Variants in NREP observed in about 807,000 individuals in gnomAD.
NREP encodes neuronal regeneration-related protein.
NREP carries 5 observed loss-of-function variants against 8.6 expected under a neutral mutation model. The ratio of observed to expected loss-of-function variants is 0.58; its 90% CI spans 0.30 to 1.22. The LOEUF (loss-of-function observed/expected upper bound fraction) is 1.22. NREP is among the 50% of genes most tolerant of loss of function. The probability of loss-of-function intolerance (pLI) is 0.07; values close to 1 mark genes in which losing one functional copy is unlikely to be tolerated. For missense variants in NREP, 86 were observed against 82.5 expected (o/e 1.04, Z -0.17); for synonymous variants, 27 against 28.0 (o/e 0.96, Z 0.11).
At chr5:111,749,024 T>C (rs1013371228) in intron 2 of NREP, among the ~76,000 whole-genome samples, 8 of 152,120 alleles carry the variant, frequency 5.3e-5, no homozygotes, top group African/African-American at 1.9e-4. Context: ...TGTCAGGAGG[T>C]GTATTCCTTC....
At chr5:111,794,867 T>A (rs1195336190) in intron 2 of NREP, among the ~76,000 whole-genome samples, 1 of 152,114 alleles carries the variant, frequency 6.6e-6, no homozygotes, top group Non-Finnish European at 1.5e-5. Flanking sequence ...GTTCATCAAT[T>A]GTAACAAATG....
At chr5:111,822,426 C>T (rs1277362825) in intron 2 of NREP, among the ~76,000 whole-genome samples, 7 of 152,104 alleles carry the variant, frequency 4.6e-5, no homozygotes, top group African/African-American at 1.4e-4. Flanking sequence ...GAGTTTAGAG[C>T]TTTCAAAAGA....
intron 2 of NREP, among the ~76,000 whole-genome samples, chr5:111,908,443 C>T (rs1041547360): frequency 6.6e-6 from 1 of 152,002 alleles, no homozygotes; most frequent in African/African-American, 2.4e-5. Flanking sequence ...CCTCCCCACT[C>T]TAGGAGTCAC....
At chr5:111,923,460 T>C (rs983717098) in intron 2 of NREP, among the ~76,000 whole-genome samples, 1 of 152,144 alleles carries the variant, frequency 6.6e-6, no homozygotes, top group Non-Finnish European at 1.5e-5. Context: ...TGGATTGAAG[T>C]GAGAGCAAGT....
intron 2 of NREP, among the ~76,000 whole-genome samples, chr5:111,903,315 C>A (rs551836305): frequency 5.9e-5 from 9 of 152,080 alleles, no homozygotes; most frequent in African/African-American, 2.2e-4. Context: ...GAGCTACTGG[C>A]CTCAAGTGAT....
intron 2 of NREP, among the ~76,000 whole-genome samples, chr5:111,777,064 G>A (rs1419070498): frequency 6.6e-6 from 1 of 151,458 alleles, no homozygotes; most frequent in South Asian, 2.1e-4. Flanking sequence ...AAGAAGAGGA[G>A]AGCAGCTATA....
intron 2 of NREP, among the ~76,000 whole-genome samples, chr5:111,829,191 T>C (rs1268292864): frequency 6.6e-6 from 1 of 152,188 alleles, no homozygotes; most frequent in African/African-American, 2.4e-5. Flanking sequence ...GCAAACCGTG[T>C]TCAACTTGTG....
At chr5:111,927,183 C>T (rs909660247) in intron 2 of NREP, among the ~76,000 whole-genome samples, 3 of 152,022 alleles carry the variant, frequency 2.0e-5, no homozygotes, top group African/African-American at 7.2e-5. Context: ...GTGGGGGAGC[C>T]CTCTCCTGCG....
At chr5:111,757,710 C>T, upstream of NREP, 3 of 984,672 alleles carry the variant, frequency 3.0e-6, no homozygotes, top group Non-Finnish European at 3.6e-6. Flanking sequence ...AGCGGACCCG[C>T]AGCTCTGCGC....
rs142666457 is a variant in NREP, at chr5:111,927,086, A to G, written c.135+48188T>C. ...GGCCAGGCCCCTCAGTGAAGGCAGTATTCTGAATTGGGCCCTATATTCTGC... is the reference window on the plus strand; with the variant it reads ...GGCCAGGCCCCTCAGTGAAGGCAGTGTTCTGAATTGGGCCCTATATTCTGC... On this transcript the variant is annotated intron_variant, in intron 2 of 3. Transcript: ENST00000395634. Among the ~76,000 whole-genome samples, 810 of 152,096 alleles carry G rather than the reference A, an allele frequency of 5.3e-3. 3 individuals carry two copies. The highest frequency in any genetic ancestry group is 8.2e-3 in the Non-Finnish European group (557 of 67,950).
chr5:111,777,258 C>T (rs1751385937), intron 2 of NREP, among the ~76,000 whole-genome samples: 2 of 151,968 alleles, frequency 1.3e-5, no homozygotes, highest in South Asian at 4.1e-4. Context: ...TTATTACATA[C>T]AATGGATGAC....
Position 111,730,862 on chromosome 5 carries a change from G to C in NREP, c.*59C>G. The C allele has an allele frequency of 6.4e-7, 1 of 1,564,082 alleles. No homozygotes were observed. ...TTACACAGAAAAAAATCCCATATATGATACCATGACCTCATCAATACCCAT... is the reference window on the plus strand; with the variant it reads ...TTACACAGAAAAAAATCCCATATATCATACCATGACCTCATCAATACCCAT... On this transcript the variant is annotated 3_prime_UTR_variant, in exon 4 of 4. Transcript: ENST00000257435.
chr5:111,835,865 A>T (rs1561686355), intron 2 of NREP, among the ~76,000 whole-genome samples: 1 of 152,112 alleles, frequency 6.6e-6, no homozygotes, highest in Non-Finnish European at 1.5e-5. Context: ...CCAGAAGGTG[A>T]GTAGAAAGGC....
At chr5:111,738,748 C>T (rs1749385049) in intron 2 of NREP, 1 of 152,166 alleles carries the variant, frequency 6.6e-6, no homozygotes, top group Admixed American at 6.5e-5. Flanking sequence ...CCTCAAAATT[C>T]ATATGGGGAA....
intron 2 of NREP, among the ~76,000 whole-genome samples, chr5:111,864,080 A>G (rs972836864): frequency 6.6e-6 from 1 of 152,174 alleles, no homozygotes; most frequent in African/African-American, 2.4e-5. Flanking sequence ...GAGAACTGTC[A>G]AGAACTTCTT....
At chr5:111,976,804 G>C (rs1417446244) in exon 1 of NREP, 1 of 1,398,606 alleles carries the variant, frequency 7.1e-7, no homozygotes, top group East Asian at 2.5e-5. Context: ...TTCTTGCCGG[G>C]AGTTGGCCAG....
intron 2 of NREP, among the ~76,000 whole-genome samples, chr5:111,919,339 G>C (rs2112576614): frequency 6.6e-6 from 1 of 152,196 alleles, no homozygotes; most frequent in African/African-American, 2.4e-5. Flanking sequence ...TCTAGAACCA[G>C]AAATACCATT....
intron 2 of NREP, among the ~76,000 whole-genome samples, chr5:111,942,026 G>A (rs1755842393): frequency 1.3e-5 from 2 of 151,994 alleles, no homozygotes; most frequent in South Asian, 2.1e-4. Flanking sequence ...ACTAATTTTT[G>A]TTTTGTTTTG....
chr5:111,918,678 A>T (rs1174876346), intron 2 of NREP, among the ~76,000 whole-genome samples: 1 of 151,838 alleles, frequency 6.6e-6, no homozygotes, highest in African/African-American at 2.4e-5. Context: ...ATGAAACTAG[A>T]CCCCTTCCTT....
Sources: gnomAD v4.1 joint callset for allele counts (sites outside exome capture counted in the v4.1 genomes callset) on GRCh38, gnomAD v4.1.1 for gene constraint, MANE v1.5 for transcripts, NCBI Gene and HGNC (gene_info 2026-07-23, HGNC 2026-07-21) for gene names.